Variants in BAG2 observed in about 807,000 individuals in gnomAD.
The protein encoded by BAG2 is BAG cochaperone 2.
In BAG2, 8 loss-of-function variants were observed where a neutral mutation model predicts 16.4. That is an observed-to-expected ratio of 0.49 (90% CI 0.29 to 0.88). The LOEUF is 0.88. Ranked by LOEUF, BAG2 falls within the 40% of genes least tolerant of loss-of-function variation. The probability of loss-of-function intolerance (pLI) is 0.09; values close to 1 mark genes in which losing one functional copy is unlikely to be tolerated. For synonymous variants in BAG2, 82 were observed against 89.2 expected (o/e 0.92, Z 0.46); for missense variants, 218 against 248.9 (o/e 0.88, Z 0.84).
intron 2 of BAG2, 27 bp from the exon 3 acceptor site, chr6:57,183,751 A>G (rs775053755): frequency 4.0e-6 from 6 of 1,498,084 alleles, no homozygotes. Context: ...TGACACAGAT[A>G]AGTTTACATC....
chr6:57,188,531 A>T lies in BAG2; in HGVS notation c.*4341A>T, dbSNP rs1764700755. 1 of 152,180 alleles carries T rather than the reference A, an allele frequency of 6.6e-6. No homozygotes were observed. Among genetic ancestry groups the T allele is most frequent in the African/African-American group, 2.4e-5 (1 of 41,452 alleles). The allele number at this position is 152,180 out of a possible 1,614,324, so 9.4% of individuals were successfully genotyped here. ...AAGTGATTTTTCTGCCAATAAAGAC[A>T]AAAGACTATTTGTTGCAAAGTATTA... On this transcript the variant is annotated 3_prime_UTR_variant, in exon 3 of 3. Transcript: ENST00000370693.
chr6:57,181,880 T>C (rs1274524733), intron 1 of BAG2, 152 bp from the exon 2 acceptor site: 7 of 623,096 alleles, frequency 1.1e-5, no homozygotes, highest in Admixed American at 8.8e-5. Flanking sequence ...GGCAAGTGTA[T>C]AGAAAAATGA....
intron 1 of BAG2, chr6:57,174,526 CTTAA>C (rs1437512693): frequency 5.7e-6 from 4 of 707,640 alleles, no homozygotes; most frequent in Admixed American, 5.9e-5. Flanking sequence ...TTACAACTTG[CTTAA>C]TTAACATTTG....
intron 1 of BAG2, chr6:57,174,345 T>G (rs763339495): frequency 7.7e-7 from 1 of 1,304,228 alleles, no homozygotes; most frequent in South Asian, 1.2e-5. Flanking sequence ...CACTCCGCCT[T>G]CCTTCAAGCT....
At chr6:57,176,687 G>GT (rs1394857777) in intron 1 of BAG2, among the ~76,000 whole-genome samples, 4 of 152,192 alleles carry the variant, frequency 2.6e-5, no homozygotes, top group African/African-American at 9.7e-5. Context: ...GGGGTTGGGG[G>GT]TGATAGGGAT....
chr6:57,172,866 G>A, intron 1 of BAG2, 56 bp downstream of exon 1: 1 of 1,367,218 alleles, frequency 7.3e-7, no homozygotes. Context: ...GCGGTTCGCG[G>A]GCGGTTAGCG....
chr6:57,180,044 C>T (rs1011838700), intron 1 of BAG2, among the ~76,000 whole-genome samples: 1 of 151,086 alleles, frequency 6.6e-6, no homozygotes, highest in East Asian at 1.9e-4. Context: ...GAAGAACCAA[C>T]AGAATCAACA....
Position 57,188,924 on chromosome 6 carries a change from G to GAT in BAG2, c.*4736_*4737dup, listed in dbSNP as rs1173085717. On this transcript the variant is annotated 3_prime_UTR_variant, in exon 3 of 3. Transcript: ENST00000370693. ...GGGGAGTACAGATGGAAAAACAAAA[G>GAT]ATAAAACACAAAAGGAGTACATAAA... 9.9e-5 allele frequency: 15 copies of GAT among 151,936 alleles called. No individual in the cohort carries two copies. The highest frequency in any genetic ancestry group is 9.8e-4 in the Admixed American group (15 of 15,262). The allele number at this position is 151,936 out of a possible 1,614,324, so 9.4% of individuals were successfully genotyped here.
intron 1 of BAG2, among the ~76,000 whole-genome samples, chr6:57,180,395 C>T (rs1218763518): frequency 1.3e-5 from 2 of 151,496 alleles, no homozygotes; most frequent in Non-Finnish European, 2.9e-5. Context: ...GATTGAGGGA[C>T]CTGCTCTATC....
At chr6:57,181,578 G>A (rs1240348815) in intron 1 of BAG2, among the ~76,000 whole-genome samples, 1 of 151,838 alleles carries the variant, frequency 6.6e-6, no homozygotes, top group African/African-American at 2.4e-5. Flanking sequence ...TAAAACTACA[G>A]AAATTAGCCG....
Position 57,188,790 on chromosome 6 carries a change from T to TTTAA in BAG2, c.*4603_*4606dup, listed in dbSNP as rs535793575. The TTTAA allele has an allele frequency of 7.2e-5, 11 of 152,322 alleles. No homozygotes were observed. The highest frequency in any genetic ancestry group is 1.7e-4 in the African/African-American group (7 of 41,584). The allele number at this position is 152,322 out of a possible 1,614,324, so 9.4% of individuals were successfully genotyped here. ...TATAATGAAAAGCAAAAATTTACTT[T>TTTAA]TTAATTTTTTTTATTTTTCCATCTA... On this transcript the variant is annotated 3_prime_UTR_variant, in exon 3 of 3. Transcript: ENST00000370693.
At position 57,185,454 on chromosome 6, in the gene BAG2, C is replaced by G. The variant is rs1442685931; in HGVS notation, c.*1264C>G. ...TATTCTTCACACTGAAAAACCAAAT[C>G]AAGATCCAAACTGACTTTATGTATG... On this transcript the variant is annotated 3_prime_UTR_variant, in exon 3 of 3. Coordinates refer to ENST00000370693, the MANE Select transcript of BAG2 (RefSeq NM_004282.4). 2.0e-5 allele frequency: 3 copies of G among 152,150 alleles called. No homozygotes were observed. Among genetic ancestry groups the G allele is most frequent in the Non-Finnish European group, 4.4e-5 (3 of 68,022 alleles). 9.4% of individuals were successfully genotyped at this position (152,150 alleles called of 1,614,324 possible). A position where few individuals can be genotyped will look rare whatever the true frequency, so the allele number is the denominator to read the frequency against.
intron 1 of BAG2, among the ~76,000 whole-genome samples, chr6:57,174,827 TAATA>T (rs1211457165): frequency 6.6e-6 from 1 of 152,206 alleles, no homozygotes; most frequent in Non-Finnish European, 1.5e-5. Flanking sequence ...AATTTTGCTC[TAATA>T]GTTTGATTTT....
In BAG2 at chr6:57,188,442, G is replaced by A. The variant is rs892411267; in HGVS notation, c.*4252G>A. 2.6e-5 allele frequency: 4 copies of A among 152,036 alleles called. No individual in the cohort carries two copies. The highest frequency in any genetic ancestry group is 4.4e-5 in the Non-Finnish European group (3 of 67,992). 9.4% of individuals were successfully genotyped at this position (152,036 alleles called of 1,614,324 possible). A position where few individuals can be genotyped will look rare whatever the true frequency, so the allele number is the denominator to read the frequency against. On this transcript the variant is annotated 3_prime_UTR_variant, in exon 3 of 3. Coordinates refer to ENST00000370693, the MANE Select transcript of BAG2 (RefSeq NM_004282.4). ...TCAGAGATTACTTTTTTTAAATATAGAAAGGTAACACGCTTTTAGCCACAC... is the reference window on the plus strand; with the variant it reads ...TCAGAGATTACTTTTTTTAAATATAAAAAGGTAACACGCTTTTAGCCACAC...
At chr6:57,173,564 G>A in intron 1 of BAG2, 5 of 891,178 alleles carry the variant, frequency 5.6e-6, no homozygotes, top group Non-Finnish European at 6.7e-6. Context: ...AATTTATTTG[G>A]TAATACAGTA....
chr6:57,174,813 A>C (rs1764231673), intron 1 of BAG2, among the ~76,000 whole-genome samples: 1 of 152,136 alleles, frequency 6.6e-6, no homozygotes. Context: ...TGAAACTCAT[A>C]TGTAATTTTG....
intron 1 of BAG2, among the ~76,000 whole-genome samples, chr6:57,176,825 GA>G (rs1019716954): frequency 1.3e-5 from 2 of 152,146 alleles, no homozygotes; most frequent in African/African-American, 4.8e-5. Flanking sequence ...TATGTTATTT[GA>G]AACTTTAAGA....
Position 57,188,556 on chromosome 6 carries a change from A to ATTT in BAG2, c.*4368_*4370dup, listed in dbSNP as rs1027734078. 1.3e-5 allele frequency: 2 copies of ATTT among 152,152 alleles called. No individual in the cohort carries two copies. The highest frequency in any genetic ancestry group is 4.8e-5 in the African/African-American group (2 of 41,434). 9.4% of individuals were successfully genotyped at this position (152,152 alleles called of 1,614,324 possible). On this transcript the variant is annotated 3_prime_UTR_variant, in exon 3 of 3. Transcript: ENST00000370693. ...AAAAGACTATTTGTTGCAAAGTATT[A>ATTT]TTTTGTGCAAAAATTAAAGAGGAGA...
At chr6:57,174,985 C>T (rs970347112) in intron 1 of BAG2, among the ~76,000 whole-genome samples, 1 of 152,176 alleles carries the variant, frequency 6.6e-6, no homozygotes, top group African/African-American at 2.4e-5. Flanking sequence ...ATGAACTGAT[C>T]TACATGATGT....
Sources: gnomAD v4.1 joint callset for allele counts (sites outside exome capture counted in the v4.1 genomes callset) on GRCh38, gnomAD v4.1.1 for gene constraint, MANE v1.5 for transcripts, NCBI Gene and HGNC (gene_info 2026-07-23, HGNC 2026-07-21) for gene names.